The following TPCN1 variants were observed in gnomAD, a reference collection of about 807,000 sequenced individuals.
TPCN1 encodes two pore channel protein 1.
TPCN1 carries 52 observed loss-of-function variants against 108.8 expected under a neutral mutation model. The ratio of observed to expected loss-of-function variants is 0.48; its 90% CI spans 0.38 to 0.60. The LOEUF is 0.60. Ranked by LOEUF, TPCN1 falls within the 20% of genes least tolerant of loss-of-function variation. The pLI is 0.00. For synonymous variants in TPCN1, 446 were observed against 433.7 expected (o/e 1.03, Z -0.35); for missense variants, 806 against 1,072.8 (o/e 0.75, Z 3.47).
Position 113,268,054 on chromosome 12 carries a change from C to T in TPCN1, c.528+98C>T, listed in dbSNP as rs1955338894. ...GTACAATTCAGAATCCACCATGGGC[C>T]CAGTCCATGCTCAGAGGTGTAACCC... On this transcript the variant is annotated intron_variant, in intron 5 of 27. Coordinates refer to ENST00000335509, the MANE Select transcript of TPCN1 (RefSeq NM_017901.6). This position sits in a 1 kb window ranked among gnomAD's most constrained non-coding sequence, Gnocchi z 7.3. 6.9e-6 allele frequency: 6 copies of T among 867,478 alleles called. No individual in the cohort carries two copies. In the South Asian group the frequency reaches 9.0e-5, roughly 13 times the overall value. 53.7% of individuals were successfully genotyped at this position (867,478 alleles called of 1,614,324 possible).
chr12:113,249,323 C>T (rs1156807660), intron 2 of TPCN1: 3 of 152,344 alleles, frequency 2.0e-5, no homozygotes, highest in East Asian at 1.9e-4. Context: ...GCCGGCGTAC[C>T]GCACGGCAGA....
Position 113,284,744 on chromosome 12 carries a change from C to A in TPCN1, c.1426C>A (p.Pro476Thr). Residue 476 changes from proline (P) to threonine (T), a missense_variant, in exon 17 of 28, where the codon CCC becomes ACC. Coordinates refer to ENST00000335509, the MANE Select transcript of TPCN1 (RefSeq NM_017901.6). This position sits in a 1 kb window ranked among gnomAD's most constrained non-coding sequence, Gnocchi z 4.1. ...KGGNFFSKHV[P>T]WSYLVFLTIY... is the part of the protein sequence containing the mutation. ...TGGGAACTTCTTCTCCAAGCACGTG[C>A]CCTGGAGTTACCTCGTCTTTCTAAC... 6.2e-7 allele frequency: 1 copy of A among 1,614,222 alleles called. No homozygotes were observed. Among genetic ancestry groups the A allele is most frequent in the Admixed American group, 1.7e-5 (1 of 60,026 alleles).
chr12:113,297,363 G>T lies in TPCN1; in HGVS notation c.*1287G>T. The T allele has an allele frequency of 6.3e-6, 1 of 158,304 alleles. No homozygotes were observed. 9.8% of individuals were successfully genotyped at this position (158,304 alleles called of 1,614,324 possible). A position where few individuals can be genotyped will look rare whatever the true frequency, so the allele number is the denominator to read the frequency against. Reference sequence around the variant, plus strand: ...GCAGTGGCAGGATGGAGGGTGCGAAGGGCAAGGAGTGCACTGCTGGGCATT... The same window carrying T: ...GCAGTGGCAGGATGGAGGGTGCGAATGGCAAGGAGTGCACTGCTGGGCATT... On this transcript the variant is annotated 3_prime_UTR_variant, in exon 28 of 28. Coordinates refer to ENST00000335509, the MANE Select transcript of TPCN1 (RefSeq NM_017901.6). This position sits in a 1 kb window ranked among gnomAD's most constrained non-coding sequence, Gnocchi z 4.4.
intron 12 of TPCN1, 50 bp downstream of exon 12, chr12:113,277,414 G>T (rs371051120): frequency 1.2e-6 from 2 of 1,608,272 alleles, no homozygotes; most frequent in Non-Finnish European, 1.7e-6. Context: ...AGGTGTTCAC[G>T]TCTAGAGTGA....
In TPCN1 at chr12:113,291,678, G is replaced by A; in HGVS notation, c.2028+1G>A. The A allele has an allele frequency of 6.2e-7, 1 of 1,613,480 alleles. No individual in the cohort carries two copies. Among genetic ancestry groups the A allele is most frequent in the East Asian group, 2.2e-5 (1 of 44,878 alleles). On this transcript the variant is annotated splice_donor_variant, in intron 24 of 27. Transcript: ENST00000335509. LOFTEE classifies it high-confidence loss of function. ...CATGACCTTTTACATTGTGACCATGGTAGGTCCCGGACCACAGAACGCTCT... is the reference window on the plus strand; with the variant it reads ...CATGACCTTTTACATTGTGACCATGATAGGTCCCGGACCACAGAACGCTCT...
intron 15 of TPCN1, among the ~76,000 whole-genome samples, chr12:113,282,434 G>A (rs933134598): frequency 1.1e-4 from 17 of 151,408 alleles, no homozygotes; most frequent in Admixed American, 2.0e-4. Flanking sequence ...TTTTTATTTT[G>A]GGGGATTGCT....
In TPCN1 at chr12:113,284,991, G is replaced by A. The variant is rs915917700; in HGVS notation, c.1453+220G>A. Among the ~76,000 whole-genome samples, 7 of 152,172 alleles carry A rather than the reference G, an allele frequency of 4.6e-5. No homozygotes were observed. Among genetic ancestry groups the A allele is most frequent in the South Asian group, 2.1e-4 (1 of 4,832 alleles). On this transcript the variant is annotated intron_variant, in intron 17 of 27. Coordinates refer to ENST00000335509, the MANE Select transcript of TPCN1 (RefSeq NM_017901.6). The surrounding 1 kb of genome is among the most constrained non-coding windows in gnomAD (Gnocchi z 4.1). Reference sequence around the variant, plus strand: ...CCTAGGCGTGTGTGACCCTCCACTCGGCTCTGCAGCCCTGCTGTTTGCCAG... The same window carrying A: ...CCTAGGCGTGTGTGACCCTCCACTCAGCTCTGCAGCCCTGCTGTTTGCCAG...
At chr12:113,260,274 TATGA>T (rs1445538672) in intron 2 of TPCN1, 90 bp from the exon 3 acceptor site, 1 of 1,371,136 alleles carries the variant, frequency 7.3e-7, no homozygotes, top group Non-Finnish European at 9.6e-7. Context: ...CATGTGAGCA[TATGA>T]AGGGACTGCC....
At chr12:113,253,196 G>C (rs746906959) in intron 2 of TPCN1, among the ~76,000 whole-genome samples, 10 of 152,182 alleles carry the variant, frequency 6.6e-5, no homozygotes, top group Non-Finnish European at 1.2e-4. Context: ...CTACTTGGGA[G>C]GGCTGTTGTA....
chr12:113,282,417 A>G (rs921773150), intron 15 of TPCN1, among the ~76,000 whole-genome samples: 1 of 151,560 alleles, frequency 6.6e-6, no homozygotes, highest in African/African-American at 2.4e-5. Flanking sequence ...TCTTTATGCC[A>G]TGTTATTTTT....
rs974654278 is a variant in TPCN1, at chr12:113,273,040, G to A, written c.784-192G>A. Among the ~76,000 whole-genome samples, 11 of 152,202 alleles carry A rather than the reference G, an allele frequency of 7.2e-5. No individual in the cohort carries two copies. Among genetic ancestry groups the A allele is most frequent in the African/African-American group, 2.4e-4 (10 of 41,442 alleles). On this transcript the variant is annotated intron_variant, in intron 8 of 27. Transcript: ENST00000335509. The surrounding 1 kb of genome is among the most constrained non-coding windows in gnomAD (Gnocchi z 4.0). ...CCCAAGTCAATAGTTTGCTTCTGCC[G>A]GAAGCATCAGGTGCAGGAAAGGGGA...
chr12:113,253,995 T>C (rs1037500715), intron 2 of TPCN1, among the ~76,000 whole-genome samples: 2 of 152,232 alleles, frequency 1.3e-5, no homozygotes, highest in African/African-American at 4.8e-5. Flanking sequence ...AGTGCAGTGG[T>C]TAAGTGCATC....
chr12:113,282,556 C>G (rs1405622060), intron 15 of TPCN1, among the ~76,000 whole-genome samples: 1 of 150,818 alleles, frequency 6.6e-6, no homozygotes, highest in Non-Finnish European at 1.5e-5. Context: ...TTGAGACCAG[C>G]CTGGGCAACA....
rs372112377 is a variant in TPCN1 at position 113,287,038 on chromosome 12, C to G, written c.1578C>G (p.Ala526=). Reference sequence around the variant, plus strand: ...CCTTCCTGGGACTGCTGGCGCTGGCCCTCAACATGGAGCCCTTCTATTTCA... The same window carrying G: ...CCTTCCTGGGACTGCTGGCGCTGGCGCTCAACATGGAGCCCTTCTATTTCA... ...VFAFLGLLAL[A]LNMEPFYFIV... is the part of the protein sequence containing the mutation. The change falls in exon 19 of 28, where the codon GCC becomes GCG. Residue 526 remains alanine, a synonymous_variant. Coordinates refer to ENST00000335509, the MANE Select transcript of TPCN1 (RefSeq NM_017901.6). 1 of 1,613,922 alleles carries G rather than the reference C, an allele frequency of 6.2e-7. No individual in the cohort carries two copies. The highest frequency in any genetic ancestry group is 1.7e-5 in the Admixed American group (1 of 60,010).
At chr12:113,228,274 C>G (rs1163894702) in intron 2 of TPCN1, among the ~76,000 whole-genome samples, 1 of 152,192 alleles carries the variant, frequency 6.6e-6, no homozygotes, top group Admixed American at 6.5e-5. Flanking sequence ...ACTTCTTCAG[C>G]TGCTCCTCCC....
rs1040178788 is a variant in TPCN1, at chr12:113,268,139, A to C, written c.528+183A>C. 6.6e-6 allele frequency among the ~76,000 whole-genome samples: 1 copy of C among 152,152 alleles called. No homozygotes were observed. Among genetic ancestry groups the C allele is most frequent in the Non-Finnish European group, 1.5e-5 (1 of 68,006 alleles). On this transcript the variant is annotated intron_variant, in intron 5 of 27. Transcript: ENST00000335509. The surrounding 1 kb of genome is among the most constrained non-coding windows in gnomAD (Gnocchi z 7.3). ...TGGGTGCCCTGGATGTCGTGATGCCAGCAGTAGCTAATGTGATTGGGTGTT... is the reference window on the plus strand; with the variant it reads ...TGGGTGCCCTGGATGTCGTGATGCCCGCAGTAGCTAATGTGATTGGGTGTT...
chr12:113,247,891 C>T (rs1204222087), intron 2 of TPCN1, among the ~76,000 whole-genome samples: 1 of 152,222 alleles, frequency 6.6e-6, no homozygotes, highest in Non-Finnish European at 1.5e-5. Context: ...CACATGAGCA[C>T]TCCAAGTCCT....
At chr12:113,238,984 G>A (rs568171470) in intron 2 of TPCN1, among the ~76,000 whole-genome samples, 35 of 152,168 alleles carry the variant, frequency 2.3e-4, no homozygotes, top group African/African-American at 8.4e-4. Flanking sequence ...GTTAAAAAAA[G>A]TTAGCCAGGT....
chr12:113,287,266 G>A, intron 19 of TPCN1, 172 bp downstream of exon 19: 1 of 609,794 alleles, frequency 1.6e-6, no homozygotes, highest in Non-Finnish European at 2.9e-6. Context: ...CTGAGGGTGT[G>A]CAGGCTGCCT....
Sources: allele counts gnomAD v4.1 joint callset (sites outside exome capture counted in the v4.1 genomes callset), GRCh38; gene constraint gnomAD v4.1.1; non-coding constraint Gnocchi (gnomAD v3.1); transcripts MANE v1.5; gene names NCBI Gene and HGNC (gene_info 2026-07-23, HGNC 2026-07-21).